The following IL1RAP variants were observed in gnomAD, a reference collection of about 807,000 sequenced individuals.
IL1RAP encodes interleukin-1 receptor accessory protein.
Under a neutral mutation model 60.7 loss-of-function variants are expected in IL1RAP, and 35 were observed. The observed-to-expected ratio is 0.58, with a 90% CI of 0.44 to 0.76. The LOEUF is 0.76. Ranked by LOEUF, IL1RAP falls within the 30% of genes least tolerant of loss-of-function variation. The pLI is 0.00. For missense variants in IL1RAP, 572 were observed against 693.9 expected (o/e 0.82, Z 1.97); for synonymous variants, 268 against 250.9 (o/e 1.07, Z -0.64).
chr3:190,623,221 G>A (rs546059133), intron 6 of IL1RAP, 123 bp from the exon 7 acceptor site: 2 of 712,404 alleles, frequency 2.8e-6, no homozygotes, highest in East Asian at 5.2e-5. Context: ...TTGGACTATA[G>A]GCCTTCTCTA....
intron 2 of IL1RAP, among the ~76,000 whole-genome samples, chr3:190,558,764 T>C (rs73886476): frequency 1.1e-3 from 164 of 152,324 alleles, no homozygotes; most frequent in African/African-American, 3.6e-3. Flanking sequence ...GGATTTTGAT[T>C]GGAATTAACT....
chr3:190,592,008 A>T (rs1479655240), intron 3 of IL1RAP, among the ~76,000 whole-genome samples: 1 of 152,116 alleles, frequency 6.6e-6, no homozygotes, highest in Admixed American at 6.6e-5. Flanking sequence ...CATACTCAGA[A>T]TTCGTTCTTT....
intron 6 of IL1RAP, among the ~76,000 whole-genome samples, chr3:190,620,990 G>T (rs971817367): frequency 1.3e-5 from 2 of 152,120 alleles, no homozygotes; most frequent in Non-Finnish European, 2.9e-5. Context: ...AAGAGAATAG[G>T]GGGTGAGAAA....
chr3:190,558,820 T>A (rs1321426143), intron 2 of IL1RAP, among the ~76,000 whole-genome samples: 1 of 152,180 alleles, frequency 6.6e-6, no homozygotes, highest in Non-Finnish European at 1.5e-5. Context: ...CTATGTTGAG[T>A]TTCTCAGTTC....
intron 1 of IL1RAP, among the ~76,000 whole-genome samples, chr3:190,536,483 C>T (rs1326434872): frequency 1.3e-5 from 2 of 152,012 alleles, no homozygotes; most frequent in African/African-American, 2.4e-5. Context: ...CCAATAGATT[C>T]GTTTTGTATT....
At chr3:190,586,812 G>C (rs189102324) in intron 3 of IL1RAP, among the ~76,000 whole-genome samples, 2 of 149,248 alleles carry the variant, frequency 1.3e-5, no homozygotes, top group Non-Finnish European at 2.9e-5. Flanking sequence ...AGGTAGCTTC[G>C]GAGTCTCCAC....
chr3:190,551,085 A>T (rs1268554694), intron 1 of IL1RAP, among the ~76,000 whole-genome samples: 2 of 152,156 alleles, frequency 1.3e-5, no homozygotes, highest in Non-Finnish European at 2.9e-5. Flanking sequence ...GAGTTGGGTG[A>T]TCCTCTCCTC....
At chr3:190,574,520 T>G (rs1402082675) in intron 3 of IL1RAP, among the ~76,000 whole-genome samples, 2 of 152,192 alleles carry the variant, frequency 1.3e-5, no homozygotes, top group Admixed American at 6.5e-5. Context: ...ACTCCCTAGC[T>G]TTTGCTCCTT....
intron 1 of IL1RAP, among the ~76,000 whole-genome samples, chr3:190,522,659 A>AAG (rs58943264): frequency 0.92 from 140,308 of 152,020 alleles, 64,897 homozygotes; most frequent in East Asian, 1. Context: ...CAGCTGGTCT[A>AAG]AGAATGTGCC....
At chr3:190,597,082 C>T (rs6444438) in intron 3 of IL1RAP, among the ~76,000 whole-genome samples, 136,539 of 152,228 alleles carry the variant, frequency 0.9, 61,478 homozygotes, top group East Asian at 1. Flanking sequence ...ACTCACTTTA[C>T]ACACATATTC....
At chr3:190,623,262 G>A in intron 6 of IL1RAP, 82 bp from the exon 7 acceptor site, 3 of 1,027,784 alleles carry the variant, frequency 2.9e-6, no homozygotes, top group Non-Finnish European at 4.6e-6. Context: ...CAGGAAGTTA[G>A]GCAAGATTCA....
At chr3:190,569,719 G>C (rs1344068300) in intron 3 of IL1RAP, among the ~76,000 whole-genome samples, 1 of 152,052 alleles carries the variant, frequency 6.6e-6, no homozygotes, top group Non-Finnish European at 1.5e-5. Context: ...TTGATACTGA[G>C]TTTGCAAATA....
At chr3:190,636,029 A>G (rs1296590977) in intron 9 of IL1RAP, among the ~76,000 whole-genome samples, 1 of 152,140 alleles carries the variant, frequency 6.6e-6, no homozygotes, top group Non-Finnish European at 1.5e-5. Flanking sequence ...ACTTGATTCT[A>G]ATTTCTAATC....
chr3:190,557,166 TTC>T (rs1465438828), intron 2 of IL1RAP, among the ~76,000 whole-genome samples: 1 of 152,164 alleles, frequency 6.6e-6, no homozygotes, highest in African/African-American at 2.4e-5. Flanking sequence ...TCCTCACCTC[TTC>T]TCTCAGGCTC....
intron 9 of IL1RAP, among the ~76,000 whole-genome samples, chr3:190,639,517 T>TA (rs1394478807): frequency 1.3e-5 from 2 of 152,176 alleles, no homozygotes; most frequent in Admixed American, 6.5e-5. Flanking sequence ...TTCATGGTTT[T>TA]AAAAAAATTG....
At chr3:190,541,597 C>T (rs1004201675) in intron 1 of IL1RAP, among the ~76,000 whole-genome samples, 1 of 152,090 alleles carries the variant, frequency 6.6e-6, no homozygotes, top group African/African-American at 2.4e-5. Flanking sequence ...TTTGACAATT[C>T]ATTAGCATTT....
At chr3:190,597,451 C>T (rs923414559) in intron 3 of IL1RAP, among the ~76,000 whole-genome samples, 2 of 152,214 alleles carry the variant, frequency 1.3e-5, no homozygotes, top group African/African-American at 4.8e-5. Context: ...CTGAACAGCT[C>T]TGCTCTGAGC....
intron 1 of IL1RAP, among the ~76,000 whole-genome samples, chr3:190,532,722 C>T (rs1723098444): frequency 6.6e-6 from 1 of 152,150 alleles, no homozygotes; most frequent in Admixed American, 6.5e-5. Context: ...GCCGTGCATC[C>T]CATGGCCCCT....
At chr3:190,522,439 CTATCT>C (rs1560136060) in intron 1 of IL1RAP, among the ~76,000 whole-genome samples, 5 of 150,650 alleles carry the variant, frequency 3.3e-5, no homozygotes, top group Non-Finnish European at 5.9e-5. Context: ...ATCTATCTAT[CTATCT>C]ATCTATCTAT....
Sources: gnomAD v4.1 joint callset for allele counts (sites outside exome capture counted in the v4.1 genomes callset) on GRCh38, gnomAD v4.1.1 for gene constraint, MANE v1.5 for transcripts, NCBI Gene and HGNC (gene_info 2026-07-23, HGNC 2026-07-21) for gene names.